The following TBC1D2B variants were observed in gnomAD, a reference collection of about 807,000 sequenced individuals.
TBC1D2B encodes the protein TBC1 domain family, member 2B.
TBC1D2B carries 64 observed loss-of-function variants against 100.8 expected under a neutral mutation model. That is an observed-to-expected ratio of 0.64 (90% CI 0.52 to 0.78). TBC1D2B has a LOEUF of 0.78. Ranked by LOEUF, TBC1D2B falls within the 30% of genes least tolerant of loss-of-function variation. The pLI, the probability that TBC1D2B is intolerant of heterozygous loss-of-function variation, is 0.00. For missense variants in TBC1D2B, 1,052 were observed against 1,218.4 expected (o/e 0.86, Z 2.03); for synonymous variants, 480 against 479.7 (o/e 1.00, Z -0.01).
At chr15:78,056,683 C>T (rs1596327165) in intron 1 of TBC1D2B, among the ~76,000 whole-genome samples, 1 of 132,898 alleles carries the variant, frequency 7.5e-6, no homozygotes, top group African/African-American at 2.8e-5. Context: ...ACCCAGTCCT[C>T]CTCTTTTTTT....
At chr15:78,066,346 T>A (rs2073657362) in intron 1 of TBC1D2B, among the ~76,000 whole-genome samples, 1 of 152,150 alleles carries the variant, frequency 6.6e-6, no homozygotes, top group Admixed American at 6.5e-5. Flanking sequence ...TTATTTCTAG[T>A]CCACTTAGAA....
intron 1 of TBC1D2B, among the ~76,000 whole-genome samples, chr15:78,075,524 T>C (rs370667401): frequency 6.6e-6 from 1 of 152,172 alleles, no homozygotes; most frequent in East Asian, 1.9e-4. Context: ...TCTACAGTCA[T>C]CTGGGAAAAA....
intron 3 of TBC1D2B, among the ~76,000 whole-genome samples, chr15:78,037,414 T>C (rs2072970014): frequency 6.6e-6 from 1 of 152,190 alleles, no homozygotes; most frequent in Non-Finnish European, 1.5e-5. Context: ...CAACCCACAC[T>C]GCAAAGAATA....
intron 2 of TBC1D2B, among the ~76,000 whole-genome samples, chr15:78,052,829 A>G (rs991216237): frequency 6.6e-6 from 1 of 152,226 alleles, no homozygotes; most frequent in Non-Finnish European, 1.5e-5. Context: ...GAAAAGCACT[A>G]TAAGAGTGGC....
intron 1 of TBC1D2B, among the ~76,000 whole-genome samples, chr15:78,073,229 G>A (rs1049155305): frequency 6.6e-6 from 1 of 152,070 alleles, no homozygotes; most frequent in Non-Finnish European, 1.5e-5. Context: ...CCTAAGTTTG[G>A]GAATAGAGGA....
At position 78,025,195 on chromosome 15, in the gene TBC1D2B, CT is replaced by C. The variant is rs950052457; in HGVS notation, c.1086+63del. The C allele has an allele frequency of 1.1e-5, 16 of 1,425,676 alleles. No individual in the cohort carries two copies. The African/African-American group carries it at 2.3e-4, about 20-fold the overall frequency. The allele number at this position is 1,425,676 out of a possible 1,614,324, so 88.3% of individuals were successfully genotyped here. ...AAGACTCAGGGAAACATAAATTGGGCTTTACTCCTCCCGTCCTTGGCCTGCT... is the reference window on the plus strand; with the variant it reads ...AAGACTCAGGGAAACATAAATTGGGCTTACTCCTCCCGTCCTTGGCCTGCT... On this transcript the variant is annotated intron_variant, in intron 5 of 12. Transcript: ENST00000300584.
chr15:78,070,257 C>T (rs1278448764), intron 1 of TBC1D2B, among the ~76,000 whole-genome samples: 1 of 152,092 alleles, frequency 6.6e-6, no homozygotes, highest in Non-Finnish European at 1.5e-5. Flanking sequence ...CCACCCCCAC[C>T]CCCGCTCCAG....
Position 78,017,915 on chromosome 15 carries a change from T to C in TBC1D2B, c.1513A>G (p.Lys505Glu), listed in dbSNP as rs768889121. The change falls in exon 7 of 13, where the codon AAG (lysine) becomes GAG (glutamate). Residue 505 changes from lysine (K) to glutamate (E), a missense_variant. This residue lies in a region of TBC1D2B where 627 missense variants were observed against 646.1 expected (regional missense o/e 0.97). Coordinates refer to ENST00000300584, the MANE Select transcript of TBC1D2B (RefSeq NM_144572.2). ...AGAGCTGAGAGTTCCAAAATCTCCT[T>C]ATTTAGAAATTTGTTTTGGGTTTTG... ...GYKTQNKFLN[K>E]EILELSALRR... 1.3e-5 allele frequency: 21 copies of C among 1,610,722 alleles called. No homozygotes were observed. The highest frequency in any genetic ancestry group is 2.2e-5 in the East Asian group (1 of 44,850).
intron 6 of TBC1D2B, among the ~76,000 whole-genome samples, chr15:78,022,800 C>T (rs1391517140): frequency 2.6e-5 from 4 of 152,158 alleles, no homozygotes; most frequent in African/African-American, 4.8e-5. Context: ...GTGCCCACCT[C>T]AGTCACCCAA....
chr15:78,025,624 T>A, intron 4 of TBC1D2B, 127 bp from the exon 5 acceptor site: 2 of 615,884 alleles, frequency 3.2e-6, no homozygotes, highest in East Asian at 6.7e-5. Context: ...CCTCCCAGGT[T>A]CATGCCATTC....
rs545343044 is a variant in TBC1D2B, at chr15:78,053,684, A to G, written c.514+350T>C. 6 of 189,542 alleles carry G rather than the reference A, an allele frequency of 3.2e-5. 1 individual carries two copies. The South Asian group carries it at 9.0e-4, about 29-fold the overall frequency. 11.7% of individuals were successfully genotyped at this position (189,542 alleles called of 1,614,324 possible). A position where few individuals can be genotyped will look rare whatever the true frequency, so the allele number is the denominator to read the frequency against. ...ATACAAACACCTGTCAATCTTGGCA[A>G]GTCTGCCCAAGCATGACTATCTAGG... On this transcript the variant is annotated intron_variant, in intron 2 of 12. Transcript: ENST00000300584.
Position 78,024,141 on chromosome 15 carries a change from C to CTGT in TBC1D2B, c.1470+14_1470+15insACA. 1 of 1,598,348 alleles carries CTGT rather than the reference C, an allele frequency of 6.3e-7. No homozygotes were observed. The highest frequency in any genetic ancestry group is 8.5e-7 in the Non-Finnish European group (1 of 1,171,702). ...TCTCTCATGCCAATCACCAGAGCCC[C>CTGT]TGCCCCACTCTTACTTTCAGCCTGT... On this transcript the variant is annotated intron_variant, in intron 6 of 12. Transcript: ENST00000300584.
intron 1 of TBC1D2B, among the ~76,000 whole-genome samples, chr15:78,076,363 G>A (rs915055955): frequency 2.0e-5 from 3 of 152,224 alleles, no homozygotes; most frequent in African/African-American, 7.2e-5. Flanking sequence ...GCCACCTACT[G>A]GCTGTGTGAC....
At chr15:78,063,583 G>C (rs2073593534) in intron 1 of TBC1D2B, among the ~76,000 whole-genome samples, 1 of 152,176 alleles carries the variant, frequency 6.6e-6, no homozygotes, top group Non-Finnish European at 1.5e-5. Context: ...ATTAAATCTA[G>C]AGGGGTCAGC....
chr15:78,034,989 G>A (rs939948281), intron 3 of TBC1D2B, among the ~76,000 whole-genome samples: 2 of 150,734 alleles, frequency 1.3e-5, no homozygotes. Flanking sequence ...TTAAATGGAG[G>A]CGTTTTTTTA....
intron 3 of TBC1D2B, among the ~76,000 whole-genome samples, chr15:78,040,887 AG>A (rs1567026298): frequency 2.1e-5 from 3 of 144,260 alleles, no homozygotes; most frequent in African/African-American, 7.8e-5. Flanking sequence ...AGAAAGAGAG[AG>A]AGAGAGAAAG....
At chr15:78,073,317 C>T (rs1288767249) in intron 1 of TBC1D2B, among the ~76,000 whole-genome samples, 1 of 152,212 alleles carries the variant, frequency 6.6e-6, no homozygotes, top group Non-Finnish European at 1.5e-5. Flanking sequence ...AACAAAACCA[C>T]AGCTTCTCCA....
At chr15:78,075,530 A>C (rs371480955) in intron 1 of TBC1D2B, among the ~76,000 whole-genome samples, 4 of 152,292 alleles carry the variant, frequency 2.6e-5, no homozygotes, top group African/African-American at 9.6e-5. Context: ...GTCATCTGGG[A>C]AAAATGTGAA....
At chr15:78,059,424 T>C (rs560834069) in intron 1 of TBC1D2B, among the ~76,000 whole-genome samples, 8 of 152,334 alleles carry the variant, frequency 5.3e-5, no homozygotes, top group African/African-American at 1.7e-4. Context: ...CTGAACATCT[T>C]GGAAAGCCAT....
Sources: gnomAD v4.1 joint callset for allele counts (sites outside exome capture counted in the v4.1 genomes callset) on GRCh38, gnomAD v4.1.1 for gene constraint, gnomAD v4.1.1 regional missense constraint, MANE v1.5 for transcripts, NCBI Gene and HGNC (gene_info 2026-07-23, HGNC 2026-07-21) for gene names.